Variants in FAM167A observed in about 807,000 individuals in gnomAD.
FAM167A encodes family with sequence similarity 167 member A.
Under a neutral mutation model 14.9 loss-of-function variants are expected in FAM167A, and 23 were observed. That is an observed-to-expected ratio of 1.55 (90% CI 1.11 to 2.19). The LOEUF (loss-of-function observed/expected upper bound fraction) is 2.19. Among genes scored for constraint, FAM167A ranks in the 30% most tolerant of loss-of-function variants. The probability of loss-of-function intolerance (pLI) is 0.00; values close to 1 mark genes in which losing one functional copy is unlikely to be tolerated. For synonymous variants in FAM167A, 174 were observed against 117.7 expected (o/e 1.48, Z -3.10); for missense variants, 401 against 281.5 (o/e 1.42, Z -3.04).
At chr8:11,440,526 T>G (rs1806374846) in intron 2 of FAM167A, among the ~76,000 whole-genome samples, 1 of 152,162 alleles carries the variant, frequency 6.6e-6, no homozygotes, top group Admixed American at 6.5e-5. Context: ...GGGAGCAGAT[T>G]AAGACGATGC....
intron 1 of FAM167A, chr8:11,446,428 G>C (rs1344711174): frequency 6.6e-6 from 1 of 151,460 alleles, no homozygotes; most frequent in Non-Finnish European, 1.5e-5. Context: ...GAGCAAGCGA[G>C]AATCCCCCTG....
At chr8:11,467,035 C>T (rs550732226), upstream of FAM167A, among the ~76,000 whole-genome samples, 2 of 152,346 alleles carry the variant, frequency 1.3e-5, no homozygotes, top group East Asian at 3.9e-4. Context: ...GCAGTTTCCC[C>T]CAATTGTGGC....
chr8:11,474,604 C>CT (rs1438331641), intron 1 of FAM167A: 1 of 152,258 alleles, frequency 6.6e-6, no homozygotes, highest in African/African-American at 2.4e-5. Flanking sequence ...CAGAGATGGG[C>CT]TTACCTAGGG....
In FAM167A at chr8:11,444,534, G is replaced by A. The variant is rs1365421156; in HGVS notation, c.-123C>T. ...CATCCAGGTGCCCGAGGGCATTTCC[G>A]GGACAGGAGCCGGCCTCAGAGGCTG... On this transcript the variant is annotated 5_prime_UTR_variant, in exon 2 of 3. Coordinates refer to ENST00000284486, the MANE Select transcript of FAM167A (RefSeq NM_053279.3). 473 of 1,477,928 alleles carry A rather than the reference G, an allele frequency of 3.2e-4. No homozygotes were observed. Among genetic ancestry groups the A allele is most frequent in the Non-Finnish European group, 1.2e-4 (140 of 1,121,840 alleles). 91.6% of individuals were successfully genotyped at this position (1,477,928 alleles called of 1,614,324 possible).
chr8:11,445,848 A>G (rs901284936), intron 1 of FAM167A, among the ~76,000 whole-genome samples: 1 of 152,130 alleles, frequency 6.6e-6, no homozygotes, highest in African/African-American at 2.4e-5. Flanking sequence ...GCTGGGGGAC[A>G]TGCAGCTATA....
chr8:11,438,595 A>G (rs1393182553), intron 2 of FAM167A: 1 of 429,868 alleles, frequency 2.3e-6, no homozygotes, highest in African/African-American at 2.1e-5. Context: ...AACTTCGAAA[A>G]CTATAAAAAA....
upstream of FAM167A, among the ~76,000 whole-genome samples, chr8:11,472,082 CTT>C (rs1426235212): frequency 1.3e-5 from 2 of 152,254 alleles, no homozygotes; most frequent in Non-Finnish European, 2.9e-5. Context: ...TGATTTATAA[CTT>C]TCAAATATTT....
chr8:11,441,194 A>G (rs73544596), intron 2 of FAM167A, among the ~76,000 whole-genome samples: 6,127 of 152,182 alleles, frequency 0.04, 276 homozygotes, highest in African/African-American at 0.11. Flanking sequence ...CCATTCACCG[A>G]AGGAGCCCCA....
At chr8:11,440,822 G>GA (rs1204094608) in intron 2 of FAM167A, among the ~76,000 whole-genome samples, 1 of 152,224 alleles carries the variant, frequency 6.6e-6, no homozygotes, top group Non-Finnish European at 1.5e-5. Flanking sequence ...AAATATGACA[G>GA]AAAAGGTTAT....
intron 2 of FAM167A, among the ~76,000 whole-genome samples, chr8:11,438,907 G>T (rs888877877): frequency 2.6e-5 from 4 of 152,340 alleles, no homozygotes; most frequent in African/African-American, 9.6e-5. Flanking sequence ...CCTTCATCCT[G>T]AAACAGTACA....
At chr8:11,442,465 G>A (rs1018323251) in intron 2 of FAM167A, among the ~76,000 whole-genome samples, 3 of 152,148 alleles carry the variant, frequency 2.0e-5, no homozygotes, top group African/African-American at 7.2e-5. Flanking sequence ...CCATCCTAGT[G>A]GGCGCTATGC....
At chr8:11,471,635 C>T (rs1466180638), upstream of FAM167A, among the ~76,000 whole-genome samples, 1 of 152,174 alleles carries the variant, frequency 6.6e-6, no homozygotes, top group East Asian at 1.9e-4. Context: ...TTTTACTGTT[C>T]ATAGTACTGC....
intron 1 of FAM167A, among the ~76,000 whole-genome samples, chr8:11,451,268 G>A (rs73209234): frequency 1.3e-5 from 2 of 152,336 alleles, no homozygotes; most frequent in Non-Finnish European, 2.9e-5. Flanking sequence ...CCGACAGTGT[G>A]GCAGCTTGGC....
intron 2 of FAM167A, among the ~76,000 whole-genome samples, chr8:11,427,710 A>C (rs12156009): frequency 0.44 from 66,735 of 151,990 alleles, 15,530 homozygotes; most frequent in Middle Eastern, 0.65. Context: ...TCCTGATTTC[A>C]TATATAAGAA....
intron 2 of FAM167A, 139 bp from the exon 3 acceptor site, chr8:11,424,775 A>C (rs1805019763): frequency 7.7e-7 from 1 of 1,295,476 alleles, no homozygotes; most frequent in Non-Finnish European, 1.0e-6. Context: ...TTCCCTGCTC[A>C]GGGAGGTGAA....
rs939853940 is a variant in FAM167A at position 11,422,052 on chromosome 8, G to A, written c.*2321C>T. 3 of 381,970 alleles carry A rather than the reference G, an allele frequency of 7.9e-6. No individual in the cohort carries two copies. The highest frequency in any genetic ancestry group is 3.7e-5 in the East Asian group (1 of 26,750). 23.7% of individuals were successfully genotyped at this position (381,970 alleles called of 1,614,324 possible). Reference sequence around the variant, plus strand: ...TAATAAAGTTCTCTTAGGATAAACCGAGCAAAATAGCTCAGACATTTAACT... The same window carrying A: ...TAATAAAGTTCTCTTAGGATAAACCAAGCAAAATAGCTCAGACATTTAACT... On this transcript the variant is annotated 3_prime_UTR_variant, in exon 3 of 3. Coordinates refer to ENST00000284486, the MANE Select transcript of FAM167A (RefSeq NM_053279.3).
intron 1 of FAM167A, among the ~76,000 whole-genome samples, chr8:11,474,041 T>G (rs1797794018): frequency 6.6e-6 from 1 of 151,848 alleles, no homozygotes; most frequent in Non-Finnish European, 1.5e-5. Flanking sequence ...GCCCGGCTAA[T>G]TTTTTGTATT....
chr8:11,444,422 G>T lies in FAM167A; in HGVS notation c.-11C>A, dbSNP rs766215340. 1.1e-5 allele frequency: 17 copies of T among 1,522,314 alleles called. No homozygotes were observed. The highest frequency in any genetic ancestry group is 8.6e-5 in the Admixed American group (4 of 46,362). The allele number at this position is 1,522,314 out of a possible 1,614,324, so 94.3% of individuals were successfully genotyped here. ...CTGGGGCACAGACATTCTACAGTCT[G>T]CCCTGGCAGCCGGACATGCGAGGGC... On this transcript the variant is annotated 5_prime_UTR_variant, in exon 2 of 3. Transcript: ENST00000284486.
At chr8:11,442,060 A>G (rs1806473233) in intron 2 of FAM167A, among the ~76,000 whole-genome samples, 1 of 152,174 alleles carries the variant, frequency 6.6e-6, no homozygotes, top group African/African-American at 2.4e-5. Context: ...CCTTTACCCT[A>G]TGTACGACAG....
Sources: gnomAD v4.1 joint callset for allele counts (sites outside exome capture counted in the v4.1 genomes callset) on GRCh38, gnomAD v4.1.1 for gene constraint, MANE v1.5 for transcripts, NCBI Gene and HGNC (gene_info 2026-07-23, HGNC 2026-07-21) for gene names.